Variants in PBX1 observed in about 807,000 individuals in gnomAD.
PBX1 encodes PBX homeobox 1.
PBX1 carries 6 observed loss-of-function variants against 53.4 expected under a neutral mutation model. The observed-to-expected ratio is 0.11, with a 90% confidence interval of 0.06 to 0.22. PBX1 has a LOEUF of 0.22. PBX1 is among the 10% of genes least tolerant of loss of function. The pLI is 1.00. For missense variants in PBX1, 251 were observed against 551.4 expected (o/e 0.46, Z 5.46); for synonymous variants, 204 against 212.3 (o/e 0.96, Z 0.34).
chr1:164,858,940 G>A (rs937237028), intron 2 of PBX1, among the ~76,000 whole-genome samples: 3 of 152,084 alleles, frequency 2.0e-5, no homozygotes, highest in Admixed American at 1.3e-4. Context: ...CAAGGTGCTG[G>A]AGATTTTACT....
chr1:164,614,039 G>T (rs1002128669), intron 2 of PBX1, among the ~76,000 whole-genome samples: 2 of 152,244 alleles, frequency 1.3e-5, no homozygotes, highest in South Asian at 4.2e-4. Flanking sequence ...TTTCTGTGGG[G>T]TGTCTGTTGT....
chr1:164,587,040 G>A (rs989995824), intron 2 of PBX1, among the ~76,000 whole-genome samples: 19 of 152,158 alleles, frequency 1.2e-4, no homozygotes, highest in African/African-American at 4.1e-4. Context: ...GTATACCAGC[G>A]AAATAGCAAG....
chr1:164,868,211 T>G (rs555263970), intron 2 of PBX1, among the ~76,000 whole-genome samples: 7 of 152,230 alleles, frequency 4.6e-5, no homozygotes, highest in Admixed American at 2.0e-4. Context: ...AGAGGTGACT[T>G]CTGAGGGGGG....
chr1:164,850,357 AG>A lies in PBX1; in HGVS notation c.*3683del, dbSNP rs1212507244. The A allele has an allele frequency of 4.4e-5, 9 of 206,234 alleles. No individual in the cohort carries two copies. Among genetic ancestry groups the A allele is most frequent in the East Asian group, 1.5e-4 (2 of 13,556 alleles). The allele number at this position is 206,234 out of a possible 1,614,324, so 12.8% of individuals were successfully genotyped here. On this transcript the variant is annotated 3_prime_UTR_variant, in exon 9 of 9. Coordinates refer to ENST00000420696, the MANE Select transcript of PBX1 (RefSeq NM_002585.4). The stretch of plus-strand genomic sequence containing the variant: ...TTGTAAACTAAAAAAAAAAAAAAAA[AG>A]GTTGGAATAGTGAGCATAATAGGTA...
intron 3 of PBX1, among the ~76,000 whole-genome samples, chr1:164,793,188 C>T (rs535542748): frequency 1.3e-5 from 2 of 152,134 alleles, no homozygotes; most frequent in Non-Finnish European, 2.9e-5. Flanking sequence ...TTTCTGGGTG[C>T]TCATAGTATC....
At chr1:164,819,951 T>G (rs985070198) in intron 6 of PBX1, 121 bp from the exon 7 acceptor site, 17 of 634,832 alleles carry the variant, frequency 2.7e-5, no homozygotes, top group Non-Finnish European at 4.5e-5. Context: ...TGATGTTATT[T>G]TTATTTTAGT....
At chr1:164,711,871 A>C (rs1211957025) in intron 2 of PBX1, among the ~76,000 whole-genome samples, 2 of 152,138 alleles carry the variant, frequency 1.3e-5, no homozygotes, top group Non-Finnish European at 2.9e-5. Context: ...TCACAGGCCG[A>C]GGGTCTTTAA....
chr1:164,857,260 C>G (rs1293010130), intron 2 of PBX1, among the ~76,000 whole-genome samples: 1 of 152,070 alleles, frequency 6.6e-6, no homozygotes, highest in Non-Finnish European at 1.5e-5. Context: ...GTCAGGAAGC[C>G]ACTTTGCTTC....
intron 2 of PBX1, among the ~76,000 whole-genome samples, chr1:164,873,462 A>G (rs35061936): frequency 0.41 from 61,800 of 152,122 alleles, 12,789 homozygotes; most frequent in Middle Eastern, 0.51. Context: ...CTTGTTTTTC[A>G]TGAATTCATG....
intron 2 of PBX1, among the ~76,000 whole-genome samples, chr1:164,604,367 A>G (rs1023735846): frequency 6.6e-6 from 1 of 152,116 alleles, no homozygotes; most frequent in African/African-American, 2.4e-5. Flanking sequence ...GTGTTTCATC[A>G]TTATTGCACA....
intron 5 of PBX1, 85 bp from the exon 6 acceptor site, chr1:164,811,905 C>A: frequency 8.7e-7 from 1 of 1,143,144 alleles, no homozygotes. Context: ...ACCTCTTCAC[C>A]TCTCCCATAA....
At chr1:164,806,837 G>T (rs1669379375) in intron 4 of PBX1, among the ~76,000 whole-genome samples, 1 of 152,214 alleles carries the variant, frequency 6.6e-6, no homozygotes, top group Non-Finnish European at 1.5e-5. Flanking sequence ...GCGCTGTGCT[G>T]AGTGCTGTCT....
At chr1:164,755,885 C>T (rs1022784735) in intron 2 of PBX1, among the ~76,000 whole-genome samples, 6 of 151,534 alleles carry the variant, frequency 4.0e-5, no homozygotes, top group Non-Finnish European at 8.8e-5. Context: ...ATGGCTTTCT[C>T]TGGGCTGCAA....
In PBX1 at chr1:164,782,487, C is replaced by T. The variant is rs530101811; in HGVS notation, c.266-10007C>T. ...TGTAGAACTGGAAGTAATCATGGAT[C>T]GCGTTAAGACTAAATGATCGACGAA... is the stretch of plus-strand genomic sequence containing the variant. On this transcript the variant is annotated intron_variant, in intron 2 of 8. Coordinates refer to ENST00000420696, the MANE Select transcript of PBX1 (RefSeq NM_002585.4). Among the ~76,000 whole-genome samples, 8 of 152,280 alleles carry T rather than the reference C, an allele frequency of 5.3e-5. No individual in the cohort carries two copies. The East Asian group carries it at 5.8e-4, about 11-fold the overall frequency.
At chr1:164,676,223 A>G (rs1661426510) in intron 2 of PBX1, among the ~76,000 whole-genome samples, 1 of 152,066 alleles carries the variant, frequency 6.6e-6, no homozygotes, top group Admixed American at 6.6e-5. Context: ...ATTTGCCCAG[A>G]CCAAGTGCCT....
Position 164,874,017 on chromosome 1 carries a change from A to AAG in PBX1, n.258-25170_258-25169insGA, listed in dbSNP as rs1180554221. ...TTACTGAGGAATTCAGAAAAAAAAA[A>AAG]AAAGAAAAAGAGGCATGAAAGGAGA... On this transcript the variant is annotated intron_variant and non_coding_transcript_variant, in intron 2 of 2. Coordinates refer to the PBX1 transcript ENST00000558796. 5.3e-5 allele frequency among the ~76,000 whole-genome samples: 8 copies of AAG among 151,788 alleles called. No individual in the cohort carries two copies. The East Asian group carries it at 1.5e-3, about 29-fold the overall frequency.
chr1:164,611,363 G>A (rs532940319), intron 2 of PBX1, among the ~76,000 whole-genome samples: 2 of 152,092 alleles, frequency 1.3e-5, no homozygotes, highest in South Asian at 2.1e-4. Context: ...TCAGCCTCCC[G>A]AGTAGCTGGG....
intron 2 of PBX1, among the ~76,000 whole-genome samples, chr1:164,694,627 A>G (rs546086998): frequency 2.0e-5 from 3 of 152,304 alleles, no homozygotes; most frequent in Admixed American, 6.5e-5. Context: ...CCCATCCACA[A>G]CAAGTCTTCC....
chr1:164,826,941 C>T (rs1201611422), intron 8 of PBX1, among the ~76,000 whole-genome samples: 1 of 152,114 alleles, frequency 6.6e-6, no homozygotes, highest in Non-Finnish European at 1.5e-5. Context: ...AGAGATGAAG[C>T]TTTTATCATT....
Sources: gnomAD v4.1 joint callset for allele counts (sites outside exome capture counted in the v4.1 genomes callset) on GRCh38, gnomAD v4.1.1 for gene constraint, MANE v1.5 for transcripts, NCBI Gene and HGNC (gene_info 2026-07-23, HGNC 2026-07-21) for gene names.